PPP2R5C: variants seen among roughly 807,000 people sequenced by gnomAD.
PPP2R5C encodes the protein serine/threonine-protein phosphatase 2A 56 kDa regulatory subunit gamma isoform.
In PPP2R5C, 7 loss-of-function variants were observed where a neutral mutation model predicts 68.9. That is an observed-to-expected ratio of 0.10 (90% CI 0.06 to 0.19). The LOEUF (loss-of-function observed/expected upper bound fraction) is 0.19, where lower values mean the gene tolerates loss of function less well. Among genes scored for constraint, PPP2R5C ranks in the 10% least tolerant of loss-of-function variants. The probability of loss-of-function intolerance (pLI) is 1.00; values close to 1 mark genes in which losing one functional copy is unlikely to be tolerated. For synonymous variants in PPP2R5C, 210 were observed against 222.2 expected (o/e 0.95, Z 0.49); for missense variants, 348 against 641.3 (o/e 0.54, Z 4.94).
intron 3 of PPP2R5C, among the ~76,000 whole-genome samples, chr14:101,793,470 G>A (rs1051756127): frequency 7.2e-5 from 11 of 152,224 alleles, no homozygotes; most frequent in African/African-American, 1.7e-4. Context: ...CAGCAAGGGC[G>A]ATCTCCACTT....
In PPP2R5C at chr14:101,815,935, A is replaced by G. The variant is rs146416162; in HGVS notation, c.94+5899A>G. On this transcript the variant is annotated intron_variant, in intron 1 of 13. Transcript: ENST00000334743. Reference sequence around the variant, plus strand: ...TCCGCCCGCCTTGGCCTCCCAAAGTACTGGGATTGTAGGCATGAGCCACCA... The same window carrying G: ...TCCGCCCGCCTTGGCCTCCCAAAGTGCTGGGATTGTAGGCATGAGCCACCA... Among the ~76,000 whole-genome samples, 978 of 152,162 alleles carry G rather than the reference A, an allele frequency of 6.4e-3. 7 individuals carry two copies. The highest frequency in any genetic ancestry group is 0.03 in the South Asian group (143 of 4,818).
At chr14:101,869,933 T>A (rs1414708371) in intron 2 of PPP2R5C, among the ~76,000 whole-genome samples, 1 of 152,140 alleles carries the variant, frequency 6.6e-6, no homozygotes, top group Non-Finnish European at 1.5e-5. Context: ...ATTCCAGGCG[T>A]GAGCCACCAC....
exon 14 of PPP2R5C, chr14:101,925,727 C>G (rs1398599898): frequency 2.6e-5 from 4 of 153,160 alleles, no homozygotes; most frequent in African/African-American, 9.7e-5. Context: ...GTGATTGTTA[C>G]GCCAGCAGTT....
intron 8 of PPP2R5C, among the ~76,000 whole-genome samples, chr14:101,896,086 C>T (rs1470808863): frequency 1.3e-5 from 2 of 152,146 alleles, no homozygotes; most frequent in Non-Finnish European, 2.9e-5. Flanking sequence ...ATGGTGCAAT[C>T]TTGGCTCACC....
intron 2 of PPP2R5C, among the ~76,000 whole-genome samples, chr14:101,782,766 T>C (rs1471206097): frequency 3.1e-4 from 1 of 3,230 alleles, no homozygotes; most frequent in Admixed American, 3.0e-3. Flanking sequence ...TCCCTCTCTC[T>C]CCCCTCTCTC....
intron 2 of PPP2R5C, among the ~76,000 whole-genome samples, chr14:101,782,257 CCCCCCCTT>C: frequency 2.7e-4 from 1 of 3,734 alleles, no homozygotes; most frequent in South Asian, 6.8e-3. Context: ...CCCCCTCTCT[CCCCCCCTT>C]TCTCCCCATT....
chr14:101,808,109 G>C (rs922001189), upstream of PPP2R5C, among the ~76,000 whole-genome samples: 2 of 151,334 alleles, frequency 1.3e-5, no homozygotes, highest in Non-Finnish European at 2.9e-5. Context: ...GGAGGAGGAG[G>C]AGGCTGGGGT....
At chr14:101,878,452 G>C (rs1033312568) in intron 2 of PPP2R5C, among the ~76,000 whole-genome samples, 1 of 152,234 alleles carries the variant, frequency 6.6e-6, no homozygotes, top group African/African-American at 2.4e-5. Context: ...CTGTGCGGGA[G>C]AGCTTCAACT....
In PPP2R5C at chr14:101,870,936, A is replaced by G. The variant is rs116205295; in HGVS notation, c.295-11225A>G. 9.9e-3 allele frequency among the ~76,000 whole-genome samples: 1,512 copies of G among 152,276 alleles called. 29 individuals are homozygous for G. Among genetic ancestry groups the G allele is most frequent in the African/African-American group, 0.034 (1,413 of 41,546 alleles). On this transcript the variant is annotated intron_variant, in intron 2 of 13. Coordinates refer to ENST00000334743, the Ensembl canonical transcript of PPP2R5C. ...TTGTTTATTGTCTTGTTGTAATTAT[A>G]TCAGGTTTTGCTTCATGTTATATAT...
At chr14:101,788,109 G>T (rs2038203062) in intron 3 of PPP2R5C, among the ~76,000 whole-genome samples, 1 of 152,180 alleles carries the variant, frequency 6.6e-6, no homozygotes, top group Admixed American at 6.5e-5. Flanking sequence ...AGAGTCAGAG[G>T]GAGGGAAAAG....
At position 101,768,313 on chromosome 14, in the gene PPP2R5C, G is replaced by C. The variant is rs116187663; in HGVS notation, c.93+5343G>C. ...GCATTATATTTCCTTTAGAACAGCA[G>C]TGAGTGCTCACACAGAAGGGAGATC... On this transcript the variant is annotated intron_variant, in intron 2 of 14. Coordinates refer to the PPP2R5C transcript ENST00000328724. Among the ~76,000 whole-genome samples the C allele has an allele frequency of 4.6e-3, 706 of 152,272 alleles. 5 individuals are homozygous for C. The highest frequency in any genetic ancestry group is 0.016 in the African/African-American group (668 of 41,544).
chr14:101,898,090 G>A (rs972641734), intron 8 of PPP2R5C, among the ~76,000 whole-genome samples: 1 of 152,140 alleles, frequency 6.6e-6, no homozygotes, highest in Non-Finnish European at 1.5e-5. Flanking sequence ...AGCCCAGGGG[G>A]TCAAGGCTGC....
intron 2 of PPP2R5C, among the ~76,000 whole-genome samples, chr14:101,769,945 A>C (rs2037061913): frequency 6.6e-6 from 1 of 152,202 alleles, no homozygotes; most frequent in Non-Finnish European, 1.5e-5. Flanking sequence ...GTAGTCTGCT[A>C]CACACCTAGG....
Position 101,899,218 on chromosome 14 carries a change from T to A in PPP2R5C, c.853-2501T>A, listed in dbSNP as rs549973053. On this transcript the variant is annotated intron_variant, in intron 8 of 13. Coordinates refer to ENST00000334743, the Ensembl canonical transcript of PPP2R5C. This position sits in a 1 kb window ranked among gnomAD's most constrained non-coding sequence, Gnocchi z 4.2. ...TTACAGAAGTAAAACTGTGTTCCGTTTTCACCCACCTGCCTCTTCAGTCTC... is the reference window on the plus strand; with the variant it reads ...TTACAGAAGTAAAACTGTGTTCCGTATTCACCCACCTGCCTCTTCAGTCTC... 5.3e-5 allele frequency among the ~76,000 whole-genome samples: 8 copies of A among 152,362 alleles called. No homozygotes were observed. The East Asian group carries it at 1.5e-3, about 29-fold the overall frequency.
At chr14:101,786,988 G>C (rs907785783) in intron 3 of PPP2R5C, among the ~76,000 whole-genome samples, 1 of 152,084 alleles carries the variant, frequency 6.6e-6, no homozygotes, top group East Asian at 1.9e-4. Context: ...CCAGTGGCTC[G>C]CGCTTATAAT....
At chr14:101,881,371 A>G (rs1385227924) in intron 2 of PPP2R5C, among the ~76,000 whole-genome samples, 1 of 152,148 alleles carries the variant, frequency 6.6e-6, no homozygotes, top group Non-Finnish European at 1.5e-5. Flanking sequence ...CTACACTCCA[A>G]CCTGGGCCGC....
At chr14:101,897,547 A>G (rs912794040) in intron 8 of PPP2R5C, among the ~76,000 whole-genome samples, 4 of 152,064 alleles carry the variant, frequency 2.6e-5, no homozygotes. Context: ...AGCGTCCGGC[A>G]CGGGAGAAAG....
At chr14:101,833,834 C>T (rs1566885025) in intron 1 of PPP2R5C, among the ~76,000 whole-genome samples, 2 of 152,202 alleles carry the variant, frequency 1.3e-5, no homozygotes, top group African/African-American at 2.4e-5. Flanking sequence ...CGGAGTCTCG[C>T]TCTGTCACCC....
At chr14:101,843,063 C>CA (rs1277359964) in intron 1 of PPP2R5C, among the ~76,000 whole-genome samples, 1 of 151,794 alleles carries the variant, frequency 6.6e-6, no homozygotes, top group East Asian at 1.9e-4. Flanking sequence ...CTGTCTTCTA[C>CA]AAAAAAATAA....
Sources: gnomAD v4.1 joint callset for allele counts (sites outside exome capture counted in the v4.1 genomes callset) on GRCh38, gnomAD v4.1.1 for gene constraint, Gnocchi (gnomAD v3.1) non-coding constraint, MANE v1.5 for transcripts, NCBI Gene and HGNC (gene_info 2026-07-23, HGNC 2026-07-21) for gene names.